Variants in KCNIP4 observed in about 807,000 individuals in gnomAD.
The protein encoded by KCNIP4 is Kv channel-interacting protein 4.
In KCNIP4, 12 loss-of-function variants were observed where a neutral mutation model predicts 34.0. The ratio of observed to expected loss-of-function variants is 0.35; its 90% CI spans 0.23 to 0.57. The LOEUF (loss-of-function observed/expected upper bound fraction) is 0.57. Among genes scored for constraint, KCNIP4 ranks in the 20% least tolerant of loss-of-function variants. The pLI, the probability that KCNIP4 is intolerant of heterozygous loss-of-function variation, is 0.83. For synonymous variants in KCNIP4, 124 were observed against 102.2 expected (o/e 1.21, Z -1.29); for missense variants, 238 against 311.7 (o/e 0.76, Z 1.78).
intron 3 of KCNIP4, among the ~76,000 whole-genome samples, chr4:20,845,211 G>A (rs1720217490): frequency 1.3e-5 from 2 of 152,118 alleles, no homozygotes; most frequent in South Asian, 4.1e-4. Flanking sequence ...TACACATCCA[G>A]AAGTCTCAAA....
chr4:21,316,800 T>C (rs933600495), intron 1 of KCNIP4, among the ~76,000 whole-genome samples: 1 of 152,216 alleles, frequency 6.6e-6, no homozygotes, highest in Middle Eastern at 3.2e-3. Context: ...TCCTCCTGTT[T>C]TATTTTCTAT....
intron 1 of KCNIP4, among the ~76,000 whole-genome samples, chr4:21,074,520 T>G (rs961494112): frequency 1.3e-5 from 2 of 152,182 alleles, no homozygotes; most frequent in African/African-American, 4.8e-5. Context: ...TATTTGATCC[T>G]TCTCTCTTTT....
chr4:21,511,242 G>T (rs1033684354), intron 1 of KCNIP4, among the ~76,000 whole-genome samples: 3 of 151,956 alleles, frequency 2.0e-5, no homozygotes, highest in East Asian at 1.9e-4. Flanking sequence ...GTGTATTAAA[G>T]AAATAATAAA....
intron 1 of KCNIP4, among the ~76,000 whole-genome samples, chr4:21,552,066 C>A (rs58538881): frequency 0.031 from 1,587 of 50,752 alleles, 37 homozygotes; most frequent in African/African-American, 0.077. Context: ...AAAACAACAA[C>A]AAAAAAAAAC....
At chr4:21,504,135 G>C (rs1000570241) in intron 1 of KCNIP4, among the ~76,000 whole-genome samples, 1 of 151,370 alleles carries the variant, frequency 6.6e-6, no homozygotes, top group African/African-American at 2.4e-5. Flanking sequence ...TATATTGCAC[G>C]TCTGTACCCA....
chr4:21,154,672 A>C (rs1253831240), intron 1 of KCNIP4, among the ~76,000 whole-genome samples: 1 of 152,244 alleles, frequency 6.6e-6, no homozygotes, highest in Non-Finnish European at 1.5e-5. Context: ...CATATTTCCC[A>C]ATATGATACA....
At chr4:21,815,841 T>A (rs1223890606) in intron 1 of KCNIP4, among the ~76,000 whole-genome samples, 1 of 152,198 alleles carries the variant, frequency 6.6e-6, no homozygotes, top group African/African-American at 2.4e-5. Flanking sequence ...CTTTAGGCCA[T>A]CTGTCCCATC....
At chr4:21,297,566 TC>T (rs1763912670) in intron 1 of KCNIP4, among the ~76,000 whole-genome samples, 1 of 152,142 alleles carries the variant, frequency 6.6e-6, no homozygotes, top group Admixed American at 6.5e-5. Flanking sequence ...AGAAAAGAGT[TC>T]TGTCAATAAC....
rs532699837 is a variant in KCNIP4, at chr4:21,909,400, T to C, written c.61+39171A>G. On this transcript the variant is annotated intron_variant, in intron 1 of 8. Coordinates refer to ENST00000382152, the MANE Select transcript of KCNIP4 (RefSeq NM_025221.6). Reference sequence around the variant, plus strand: ...AAGGGTCTCCTCATCTTTCTCACCTTGTCTTACACATCACCTCCTCAGAGA... The same window carrying C: ...AAGGGTCTCCTCATCTTTCTCACCTCGTCTTACACATCACCTCCTCAGAGA... Among the ~76,000 whole-genome samples, 17 of 152,178 alleles carry C rather than the reference T, an allele frequency of 1.1e-4. No homozygotes were observed. The East Asian group carries it at 3.3e-3, about 30-fold the overall frequency.
rs528593417 is a variant in KCNIP4, at chr4:21,243,871, T to C, written c.62-361162A>G. Among the ~76,000 whole-genome samples, 32 of 152,268 alleles carry C rather than the reference T, an allele frequency of 2.1e-4. 1 individual carries two copies. The highest frequency in any genetic ancestry group is 7.0e-4 in the African/African-American group (29 of 41,570). On this transcript the variant is annotated intron_variant, in intron 1 of 8. Transcript: ENST00000382152. Reference sequence around the variant, plus strand: ...GGCCTCGGTGTTTGGAGAAAATTAATGGTCAGTTTTTTGGAGAGAAAATAA... The same window carrying C: ...GGCCTCGGTGTTTGGAGAAAATTAACGGTCAGTTTTTTGGAGAGAAAATAA...
intron 6 of KCNIP4, 38 bp downstream of exon 6, chr4:20,734,590 G>T (rs759776908): frequency 2.2e-6 from 2 of 921,768 alleles, no homozygotes; most frequent in African/African-American, 1.7e-5. Flanking sequence ...AAATGAAAAT[G>T]GTCCAAATTA....
At chr4:21,318,861 T>C (rs1199582268) in intron 1 of KCNIP4, among the ~76,000 whole-genome samples, 1 of 152,074 alleles carries the variant, frequency 6.6e-6, no homozygotes, top group Non-Finnish European at 1.5e-5. Flanking sequence ...TGAAGAGTCT[T>C]TCAATGAGAA....
intron 3 of KCNIP4, among the ~76,000 whole-genome samples, chr4:20,836,503 A>T (rs1277056050): frequency 6.6e-6 from 1 of 152,174 alleles, no homozygotes; most frequent in Non-Finnish European, 1.5e-5. Context: ...GAATTGGCTA[A>T]TGTGATTATG....
chr4:21,247,253 C>T (rs1012438711), intron 1 of KCNIP4, among the ~76,000 whole-genome samples: 2 of 152,042 alleles, frequency 1.3e-5, no homozygotes, highest in Admixed American at 6.6e-5. Flanking sequence ...TCAAAACCAC[C>T]TCAAATTACT....
chr4:21,312,905 C>G (rs996173463), intron 1 of KCNIP4, among the ~76,000 whole-genome samples: 1 of 152,222 alleles, frequency 6.6e-6, no homozygotes, highest in Non-Finnish European at 1.5e-5. Flanking sequence ...AACTGATGTG[C>G]AGCCATCTTA....
At chr4:21,610,733 G>T (rs1744088870) in intron 1 of KCNIP4, among the ~76,000 whole-genome samples, 1 of 152,008 alleles carries the variant, frequency 6.6e-6, no homozygotes, top group Admixed American at 6.6e-5. Context: ...ATTTATAAAA[G>T]AAAGAGGTTT....
At chr4:21,760,198 A>C (rs1252406341) in intron 1 of KCNIP4, among the ~76,000 whole-genome samples, 8 of 152,038 alleles carry the variant, frequency 5.3e-5, no homozygotes, top group Non-Finnish European at 1.2e-4. Flanking sequence ...TCCTTTCTTA[A>C]CATTTAACTT....
At chr4:21,938,599 T>A (rs1324284476) in intron 1 of KCNIP4, among the ~76,000 whole-genome samples, 1 of 152,192 alleles carries the variant, frequency 6.6e-6, no homozygotes, top group African/African-American at 2.4e-5. Flanking sequence ...AAAACTACTA[T>A]CACTCAATAA....
intron 1 of KCNIP4, among the ~76,000 whole-genome samples, chr4:21,881,711 T>C (rs960784078): frequency 2.0e-5 from 3 of 152,200 alleles, no homozygotes; most frequent in Admixed American, 6.5e-5. Context: ...ATAAAGGTCA[T>C]TTATGTATTA....
Sources: gnomAD v4.1 joint callset for allele counts (sites outside exome capture counted in the v4.1 genomes callset) on GRCh38, gnomAD v4.1.1 for gene constraint, MANE v1.5 for transcripts, NCBI Gene and HGNC (gene_info 2026-07-23, HGNC 2026-07-21) for gene names.